CCDC91: variants seen among roughly 807,000 people sequenced by gnomAD.
The protein encoded by CCDC91 is coiled-coil domain containing 91.
Under a neutral mutation model 63.2 loss-of-function variants are expected in CCDC91, and 48 were observed. The observed-to-expected ratio is 0.76, with a 90% CI of 0.60 to 0.97. The LOEUF is 0.97. Ranked by LOEUF, CCDC91 falls within the 50% of genes least tolerant of loss-of-function variation. CCDC91 has a pLI of 0.00. For missense variants in CCDC91, 500 were observed against 494.6 expected (o/e 1.01, Z -0.10); for synonymous variants, 167 against 165.8 (o/e 1.01, Z -0.06).
At chr12:28,527,798 G>A (rs1941398247) in intron 12 of CCDC91, among the ~76,000 whole-genome samples, 1 of 152,118 alleles carries the variant, frequency 6.6e-6, no homozygotes, top group Non-Finnish European at 1.5e-5. Flanking sequence ...ATGGGGGTGA[G>A]GTTCCCACGT....
chr12:28,417,620 G>GAGATATATATAT (rs1555208046), intron 8 of CCDC91, among the ~76,000 whole-genome samples: 73 of 139,796 alleles, frequency 5.2e-4, no homozygotes, highest in African/African-American at 1.7e-3. Context: ...GAACCTTTGA[G>GAGATATATATAT]ATATATATAT....
chr12:28,545,371 G>C (rs1278341551), intron 12 of CCDC91, among the ~76,000 whole-genome samples: 7 of 152,028 alleles, frequency 4.6e-5, no homozygotes, highest in Non-Finnish European at 1.0e-4. Context: ...AATTTGCCAA[G>C]AACATCAGTT....
chr12:28,289,200 G>C (rs1420944717), intron 3 of CCDC91, among the ~76,000 whole-genome samples: 1 of 150,902 alleles, frequency 6.6e-6, no homozygotes, highest in Non-Finnish European at 1.5e-5. Flanking sequence ...CTCTGAGTTT[G>C]GTTATTTCTT....
chr12:28,531,724 A>G (rs1036727768), intron 12 of CCDC91, among the ~76,000 whole-genome samples: 2 of 152,162 alleles, frequency 1.3e-5, no homozygotes, highest in Admixed American at 6.6e-5. Context: ...TGTCTCTTCT[A>G]TATTTTTGTT....
chr12:28,253,267 C>T (rs1565676314), intron 1 of CCDC91, among the ~76,000 whole-genome samples: 2 of 152,078 alleles, frequency 1.3e-5, no homozygotes, highest in African/African-American at 2.4e-5. Flanking sequence ...TCAGCCCAGC[C>T]GCTGTTGTTT....
intron 1 of CCDC91, among the ~76,000 whole-genome samples, chr12:28,218,191 C>G (rs1274270681): frequency 6.6e-6 from 1 of 152,028 alleles, no homozygotes; most frequent in Admixed American, 6.6e-5. Context: ...TTGGTAGCTA[C>G]TGTAGTTCTG....
chr12:28,205,178 A>G (rs1454526370), intron 1 of CCDC91, among the ~76,000 whole-genome samples: 2 of 152,018 alleles, frequency 1.3e-5, no homozygotes, highest in Non-Finnish European at 1.5e-5. Context: ...AATTATAGAG[A>G]GAAAGGAGAG....
rs571927059 is a variant in CCDC91 at position 28,224,031 on chromosome 12, C to G, written c.-14-33171C>G. ...ACTTGGGGAATGCTTAAGTGCTCCACAAATCAGTGACCAGAATCGTTTCAT... is the reference window on the plus strand; with the variant it reads ...ACTTGGGGAATGCTTAAGTGCTCCAGAAATCAGTGACCAGAATCGTTTCAT... On this transcript the variant is annotated intron_variant, in intron 1 of 12. Transcript: ENST00000536442. 2.6e-5 allele frequency among the ~76,000 whole-genome samples: 4 copies of G among 152,314 alleles called. No individual in the cohort carries two copies. The South Asian group carries it at 8.3e-4, about 32-fold the overall frequency.
chr12:28,548,960 T>C, intron 12 of CCDC91, 103 bp from the exon 13 acceptor site: 1 of 685,210 alleles, frequency 1.5e-6, no homozygotes, highest in South Asian at 1.9e-5. Context: ...AATTGTCTCA[T>C]CTGGAAAGTT....
chr12:28,210,632 T>G lies in CCDC91; in HGVS notation c.-15+19991T>G, dbSNP rs543901019. 2.0e-5 allele frequency among the ~76,000 whole-genome samples: 3 copies of G among 152,280 alleles called. No homozygotes were observed. The East Asian group carries it at 5.8e-4, about 29-fold the overall frequency. On this transcript the variant is annotated intron_variant, in intron 1 of 12. Coordinates refer to ENST00000536442, the MANE Select transcript of CCDC91 (RefSeq NM_018318.5). ...ATATCTGCTTTTAATTAAGCTGACTTTTAAGCATAGGACTCTTTAATAAAA... is the reference window on the plus strand; with the variant it reads ...ATATCTGCTTTTAATTAAGCTGACTGTTAAGCATAGGACTCTTTAATAAAA...
intron 6 of CCDC91, among the ~76,000 whole-genome samples, chr12:28,310,574 C>A (rs1326912432): frequency 6.6e-6 from 1 of 151,914 alleles, no homozygotes; most frequent in Non-Finnish European, 1.5e-5. Flanking sequence ...GTGTTAAACA[C>A]CTTGGCTAAA....
chr12:28,278,893 AG>A (rs1203191549), intron 3 of CCDC91, among the ~76,000 whole-genome samples: 1 of 152,088 alleles, frequency 6.6e-6, no homozygotes, highest in Non-Finnish European at 1.5e-5. Flanking sequence ...ACTTTAAAAA[AG>A]TATTGTGAAA....
chr12:28,459,913 C>G (rs1476152384), intron 11 of CCDC91, among the ~76,000 whole-genome samples: 1 of 152,168 alleles, frequency 6.6e-6, no homozygotes, highest in African/African-American at 2.4e-5. Context: ...TCCTCAGCAT[C>G]TATTCCTCTG....
intron 12 of CCDC91, among the ~76,000 whole-genome samples, chr12:28,486,851 A>T (rs61463823): frequency 6.6e-6 from 1 of 152,030 alleles, no homozygotes; most frequent in Admixed American, 6.6e-5. Flanking sequence ...CTGAAGTTCT[A>T]CTTCTCTTTG....
chr12:28,406,313 G>A (rs1946941397), intron 8 of CCDC91, among the ~76,000 whole-genome samples: 1 of 151,568 alleles, frequency 6.6e-6, no homozygotes, highest in African/African-American at 2.4e-5. Flanking sequence ...TTTTGAGAAA[G>A]TCGTTATTAG....
At chr12:28,204,482 T>G (rs574538562) in intron 1 of CCDC91, among the ~76,000 whole-genome samples, 7 of 152,298 alleles carry the variant, frequency 4.6e-5, no homozygotes, top group Admixed American at 4.6e-4. Context: ...ATTTCATCAT[T>G]CAGAATGCAA....
At chr12:28,231,923 A>G (rs1265780849) in intron 1 of CCDC91, among the ~76,000 whole-genome samples, 1 of 152,150 alleles carries the variant, frequency 6.6e-6, no homozygotes, top group Non-Finnish European at 1.5e-5. Context: ...ATTGAACACT[A>G]TGTGGTTTTG....
intron 12 of CCDC91, among the ~76,000 whole-genome samples, chr12:28,508,636 G>A (rs1939018234): frequency 6.6e-6 from 1 of 151,830 alleles, no homozygotes; most frequent in African/African-American, 2.4e-5. Flanking sequence ...GACATGTGGA[G>A]CCTGAAGTGA....
intron 8 of CCDC91, among the ~76,000 whole-genome samples, chr12:28,400,621 G>A (rs1353912469): frequency 1.3e-5 from 2 of 152,002 alleles, no homozygotes; most frequent in Non-Finnish European, 2.9e-5. Flanking sequence ...TTAAACATAA[G>A]TTTCAATTCC....
Sources: gnomAD v4.1 joint callset for allele counts (sites outside exome capture counted in the v4.1 genomes callset) on GRCh38, gnomAD v4.1.1 for gene constraint, MANE v1.5 for transcripts, NCBI Gene and HGNC (gene_info 2026-07-23, HGNC 2026-07-21) for gene names.